The following MBNL2 variants were observed in gnomAD, a reference collection of about 807,000 sequenced individuals.
MBNL2 encodes the protein muscleblind-like protein 2.
In MBNL2, 17 loss-of-function variants were observed where a neutral mutation model predicts 41.9. The observed-to-expected ratio is 0.41, with a 90% CI of 0.28 to 0.61. The LOEUF (loss-of-function observed/expected upper bound fraction) is 0.61. Ranked by LOEUF, MBNL2 falls within the 20% of genes least tolerant of loss-of-function variation. The pLI, the probability that MBNL2 is intolerant of heterozygous loss-of-function variation, is 0.35. For synonymous variants in MBNL2, 195 were observed against 182.9 expected (o/e 1.07, Z -0.53); for missense variants, 336 against 505.6 (o/e 0.66, Z 3.22).
chr13:97,197,817 C>T, the MBNL2 span, among the ~76,000 whole-genome samples: 12 of 152,096 alleles, frequency 7.9e-5, no homozygotes, highest in South Asian at 4.1e-4. Flanking sequence ...CTTAAGCATT[C>T]GCCTGATTTT....
rs566087298 is a variant in MBNL2 at position 97,346,336 on chromosome 13, TGATA to T, written c.541-463_541-460del. 7.2e-5 allele frequency among the ~76,000 whole-genome samples: 11 copies of T among 152,032 alleles called. No individual in the cohort carries two copies. The South Asian group carries it at 1.7e-3, about 23-fold the overall frequency. On this transcript the variant is annotated intron_variant, in intron 4 of 8. Transcript: ENST00000679496. This position sits in a 1 kb window ranked among gnomAD's most constrained non-coding sequence, Gnocchi z 4.2. Reference sequence around the variant, plus strand: ...GATAATAGAGGGATAGATTGATAGATGATAGATAATAGATGATGGATGAATGAAC... The same window carrying T: ...GATAATAGAGGGATAGATTGATAGATGATAATAGATGATGGATGAATGAAC...
chr13:97,241,056 C>T (rs2044171457), intron 1 of MBNL2, among the ~76,000 whole-genome samples: 1 of 152,162 alleles, frequency 6.6e-6, no homozygotes, highest in Non-Finnish European at 1.5e-5. Context: ...ATTATATCTG[C>T]CGTTCCATTC....
intron 4 of MBNL2, 57 bp downstream of exon 4, chr13:97,343,273 G>A (rs1054989073): frequency 8.0e-7 from 1 of 1,243,210 alleles, no homozygotes; most frequent in East Asian, 2.3e-5. Context: ...ATACTTCTGT[G>A]TAAGTGATTG....
chr13:97,174,833 T>C, the MBNL2 span, among the ~76,000 whole-genome samples: 2 of 151,640 alleles, frequency 1.3e-5, no homozygotes, highest in Non-Finnish European at 1.5e-5. Flanking sequence ...AGGTGGTGAG[T>C]CACTACCCTG....
Position 97,366,818 on chromosome 13 carries a change from C to G in MBNL2, c.1048+1647C>G. On this transcript the variant is annotated intron_variant, in intron 8 of 8. Transcript: ENST00000679496. The surrounding 1 kb of genome is among the most constrained non-coding windows in gnomAD (Gnocchi z 4.7). ...GTAATTAACCTGACAGGCTTAAATT[C>G]CTTTTAGTACAGCATTACCTATCCA... 1 of 488,622 alleles carries G rather than the reference C, an allele frequency of 2.0e-6. No individual in the cohort carries two copies. Among genetic ancestry groups the G allele is most frequent in the South Asian group, 2.1e-5 (1 of 48,778 alleles). The allele number at this position is 488,622 out of a possible 1,614,324, so 30.3% of individuals were successfully genotyped here. A position where few individuals can be genotyped will look rare whatever the true frequency, so the allele number is the denominator to read the frequency against.
the MBNL2 span, among the ~76,000 whole-genome samples, chr13:97,209,186 G>C: frequency 6.6e-6 from 1 of 152,110 alleles, no homozygotes; most frequent in Non-Finnish European, 1.5e-5. Context: ...TCTACTTCGA[G>C]GATAATGTCA....
At chr13:97,348,748 G>A (rs1218481403) in intron 5 of MBNL2, among the ~76,000 whole-genome samples, 1 of 152,170 alleles carries the variant, frequency 6.6e-6, no homozygotes, top group Non-Finnish European at 1.5e-5. Context: ...GAAAAGTACA[G>A]TTTGAAAACA....
the MBNL2 span, among the ~76,000 whole-genome samples, chr13:97,201,825 C>A: frequency 6.6e-6 from 1 of 152,166 alleles, no homozygotes; most frequent in African/African-American, 2.4e-5. Flanking sequence ...TTCTACTCTG[C>A]CACATGGAGA....
At chr13:97,350,935 T>A (rs1446872064) in intron 5 of MBNL2, among the ~76,000 whole-genome samples, 1 of 152,218 alleles carries the variant, frequency 6.6e-6, no homozygotes, top group Non-Finnish European at 1.5e-5. Flanking sequence ...GAATGGTGAA[T>A]CCTTTACAGG....
intron 1 of MBNL2, among the ~76,000 whole-genome samples, chr13:97,255,919 TCG>T (rs1474678554): frequency 1.3e-5 from 2 of 152,172 alleles, no homozygotes; most frequent in African/African-American, 2.4e-5. Context: ...GTGAGCATGA[TCG>T]TTTAGGAATG....
the MBNL2 span, among the ~76,000 whole-genome samples, chr13:97,189,972 G>A: frequency 1.3e-3 from 191 of 152,356 alleles, no homozygotes; most frequent in African/African-American, 4.5e-3. Flanking sequence ...ACACCAGATA[G>A]CTCAGCCTGA....
At chr13:97,232,978 T>C (rs1359465123) in intron 1 of MBNL2, among the ~76,000 whole-genome samples, 1 of 151,060 alleles carries the variant, frequency 6.6e-6, no homozygotes, top group Non-Finnish European at 1.5e-5. Flanking sequence ...AAGCTCGTTA[T>C]CAACTGTAAG....
intron 2 of MBNL2, among the ~76,000 whole-genome samples, chr13:97,291,809 C>A (rs1044484246): frequency 1.4e-5 from 2 of 147,694 alleles, no homozygotes; most frequent in African/African-American, 5.1e-5. Context: ...GCAGGAGAAT[C>A]GCTTGAACCT....
chr13:97,228,268 TAA>T lies in MBNL2; in HGVS notation c.-605+5739_-605+5740del, dbSNP rs369884527. On this transcript the variant is annotated intron_variant, in intron 1 of 8. Transcript: ENST00000679496. ...GCTAATACTTGGCTGAGCAAGTATT[TAA>T]ACTCAGGCCCATAAGACCCCCAAGC... Among the ~76,000 whole-genome samples, 49 of 152,222 alleles carry T rather than the reference TAA, an allele frequency of 3.2e-4. 1 individual carries two copies. In the East Asian group the frequency reaches 9.3e-3, roughly 29 times the overall value.
rs769320366 is a variant in MBNL2, at chr13:97,346,905, C to T, written c.642C>T (p.Thr214=). 3 of 1,614,048 alleles carry T rather than the reference C, an allele frequency of 1.9e-6. No individual in the cohort carries two copies. Among genetic ancestry groups the T allele is most frequent in the Non-Finnish European group, 2.5e-6 (3 of 1,179,902 alleles). ...DSTMIDTSDN[T]VTVCMDYIKG... ...CCATGATCGACACAAGTGACAACAC[C>T]GTAACCGTTTGTATGGATTACATAA... The change falls in exon 5 of 9, where the codon ACC becomes ACT. Residue 214 remains threonine (T), a synonymous_variant. Coordinates refer to ENST00000679496, the MANE Select transcript of MBNL2 (RefSeq NM_001382683.1). The surrounding 1 kb of genome is among the most constrained non-coding windows in gnomAD (Gnocchi z 4.2).
chr13:97,203,488 G>GA, the MBNL2 span, among the ~76,000 whole-genome samples: 3 of 152,082 alleles, frequency 2.0e-5, no homozygotes, highest in Non-Finnish European at 2.9e-5. Flanking sequence ...GTGCTCCGGG[G>GA]AAAAATGCCT....
chr13:97,319,499 G>A (rs1190465592), intron 2 of MBNL2, among the ~76,000 whole-genome samples: 3 of 152,128 alleles, frequency 2.0e-5, no homozygotes, highest in African/African-American at 7.2e-5. Flanking sequence ...CCCTACCACT[G>A]TCCCTCTGTA....
chr13:97,361,328 A>T (rs893492436), intron 7 of MBNL2, among the ~76,000 whole-genome samples: 4 of 152,222 alleles, frequency 2.6e-5, no homozygotes, highest in Non-Finnish European at 5.9e-5. Context: ...CAGTTGGGAC[A>T]TGGGAAGAGT....
upstream of MBNL2, among the ~76,000 whole-genome samples, chr13:97,217,613 A>G (rs1380640874): frequency 1.3e-5 from 2 of 152,186 alleles, no homozygotes; most frequent in East Asian, 3.8e-4. Context: ...GACACACCTG[A>G]GGGACTAAAG....
Sources: allele counts gnomAD v4.1 joint callset (sites outside exome capture counted in the v4.1 genomes callset), GRCh38; gene constraint gnomAD v4.1.1; non-coding constraint Gnocchi (gnomAD v3.1); transcripts MANE v1.5; gene names NCBI Gene and HGNC (gene_info 2026-07-23, HGNC 2026-07-21).